Variants in PRPF18 observed in about 807,000 individuals in gnomAD.
The protein encoded by PRPF18 is pre-mRNA-splicing factor 18.
Under a neutral mutation model 46.5 loss-of-function variants are expected in PRPF18, and 38 were observed. The observed-to-expected ratio is 0.82, with a 90% CI of 0.63 to 1.07. The LOEUF (loss-of-function observed/expected upper bound fraction) is 1.07, where lower values mean the gene tolerates loss of function less well. Ranked by LOEUF, PRPF18 falls within the 50% of genes least tolerant of loss-of-function variation. The pLI is 0.00. For missense variants in PRPF18, 263 were observed against 410.0 expected, an observed-to-expected ratio of 0.64 and a Z score of 3.10; for synonymous variants, 152 against 146.7, an observed-to-expected ratio of 1.04 and a Z score of -0.26.
At chr10:13,625,303 C>A (rs545222408) in intron 9 of PRPF18, among the ~76,000 whole-genome samples, 8 of 151,990 alleles carry the variant, frequency 5.3e-5, no homozygotes, top group African/African-American at 1.7e-4. Flanking sequence ...GGGTGACAGA[C>A]GGGTCTGAAA....
the PRPF18 span, chr10:13,651,903 CTCTAT>C: frequency 4.6e-6 from 7 of 1,514,356 alleles, no homozygotes; most frequent in South Asian, 6.7e-5. Flanking sequence ...CTTACGGTAC[CTCTAT>C]TCATCAGTAC....
chr10:13,597,602 A>G, intron 2 of PRPF18, 67 bp downstream of exon 2: 1 of 1,601,180 alleles, frequency 6.2e-7, no homozygotes, highest in Non-Finnish European at 8.5e-7. Flanking sequence ...CTGTTGTTAA[A>G]TGACAATCAT....
chr10:13,625,551 A>G (rs2080490478), intron 9 of PRPF18, among the ~76,000 whole-genome samples: 1 of 152,224 alleles, frequency 6.6e-6, no homozygotes. Flanking sequence ...AAAAGGGAAG[A>G]TAGGAAATAA....
the PRPF18 span, among the ~76,000 whole-genome samples, chr10:13,649,945 A>C: frequency 6.6e-6 from 1 of 152,206 alleles, no homozygotes; most frequent in Non-Finnish European, 1.5e-5. Flanking sequence ...TGCTCTCTCA[A>C]CTGTGACCCA....
At chr10:13,609,800 G>T (rs1214040938) in intron 4 of PRPF18, among the ~76,000 whole-genome samples, 1 of 152,172 alleles carries the variant, frequency 6.6e-6, no homozygotes, top group African/African-American at 2.4e-5. Context: ...TTATTTTTCT[G>T]ACCAGCAGAC....
At chr10:13,605,822 G>A (rs2080175856) in intron 4 of PRPF18, 78 bp downstream of exon 4, 4 of 1,452,092 alleles carry the variant, frequency 2.8e-6, no homozygotes, top group African/African-American at 1.4e-5. Flanking sequence ...TTGCATTATT[G>A]TAGGCAACAA....
intron 9 of PRPF18, among the ~76,000 whole-genome samples, chr10:13,618,615 C>CAAAAA (rs68069523): frequency 2.3e-4 from 9 of 39,982 alleles, no homozygotes; most frequent in Non-Finnish European, 3.9e-4. Flanking sequence ...AAGACCCTGT[C>CAAAAA]AAAAAAAAAA....
the PRPF18 span, chr10:13,646,965 G>T: frequency 3.0e-6 from 3 of 983,792 alleles, no homozygotes; most frequent in African/African-American, 1.7e-5. Flanking sequence ...GCTTTTTCCT[G>T]CCCGTACCAC....
At chr10:13,638,357 C>CT in the PRPF18 span, among the ~76,000 whole-genome samples, 1 of 133,984 alleles carries the variant, frequency 7.5e-6, no homozygotes, top group Non-Finnish European at 1.6e-5. Context: ...ACATGAACTG[C>CT]TTTTTTAAGG....
the PRPF18 span, among the ~76,000 whole-genome samples, chr10:13,650,333 C>A: frequency 6.6e-6 from 1 of 152,132 alleles, no homozygotes; most frequent in Non-Finnish European, 1.5e-5. Context: ...CTAGAGGCAT[C>A]CTGTCTTACC....
rs1225631814 is a variant in PRPF18, at chr10:13,611,645, G to A, written c.541G>A (p.Asp181Asn). 1 of 1,613,932 alleles carries A rather than the reference G, an allele frequency of 6.2e-7. No homozygotes were observed. Among genetic ancestry groups the A allele is most frequent in the South Asian group, 1.1e-5 (1 of 91,070 alleles). The change falls in exon 6 of 10, where the codon GAT becomes AAT. Residue 181 changes from aspartate (D) to asparagine (N), a missense_variant. Around this residue, in one of 4 missense-constraint regions of PRPF18, gnomAD observed 155 missense variants for 245.1 expected, o/e 0.63. Coordinates refer to ENST00000378572, the MANE Select transcript of PRPF18 (RefSeq NM_003675.4). ...TGGAGAGTCCTTAGGGAAAGGCGAT[G>A]ATCATAAAGACATGGACATCATCAC... ...ALGESLGKGDDHKDMDIITKF... is the reference protein window; with the variant it reads ...ALGESLGKGDNHKDMDIITKF...
At chr10:13,595,110 T>G (rs1473171783) in intron 1 of PRPF18, among the ~76,000 whole-genome samples, 1 of 152,248 alleles carries the variant, frequency 6.6e-6, no homozygotes, top group Non-Finnish European at 1.5e-5. Context: ...CCTTTATTTT[T>G]GCTGATGCCA....
chr10:13,630,923 G>T (rs2080584074), downstream of PRPF18: 1 of 152,172 alleles, frequency 6.6e-6, no homozygotes, highest in East Asian at 1.9e-4. Flanking sequence ...CTTCCAAGAA[G>T]TGTAAATTTT....
chr10:13,624,800 C>A (rs1367852918), intron 9 of PRPF18, among the ~76,000 whole-genome samples: 1 of 152,298 alleles, frequency 6.6e-6, no homozygotes, highest in East Asian at 1.9e-4. Flanking sequence ...AGTGAAAAAA[C>A]CAGCTTGCTG....
the PRPF18 span, among the ~76,000 whole-genome samples, chr10:13,650,776 C>G: frequency 1.3e-5 from 2 of 152,200 alleles, no homozygotes; most frequent in Admixed American, 1.3e-4. Context: ...TTAACCACCC[C>G]TCACCCTTAT....
rs1554806371 is a variant in PRPF18, at chr10:13,590,452, A to AT, written c.66+3300_66+3301insT. On this transcript the variant is annotated intron_variant, in intron 1 of 9. Transcript: ENST00000378572. The stretch of plus-strand genomic sequence containing the variant: ...CTCTACTGAAAATACAAAAAAAAAA[A>AT]ATATATATATATATATATATTAGCT... Among the ~76,000 whole-genome samples the AT allele has an allele frequency of 3.4e-3, 474 of 140,500 alleles. 5 individuals are homozygous for AT. The highest frequency in any genetic ancestry group is 8.6e-3 in the South Asian group (39 of 4,510). The allele number at this position is 140,500 out of a possible 152,430, so 92.2% of individuals were successfully genotyped here. A position where few individuals can be genotyped will look rare whatever the true frequency, so the allele number is the denominator to read the frequency against.
chr10:13,610,901 T>C (rs978116555), intron 5 of PRPF18, among the ~76,000 whole-genome samples: 2 of 152,254 alleles, frequency 1.3e-5, no homozygotes, highest in Non-Finnish European at 1.5e-5. Context: ...GTCTGATTTT[T>C]GCTATAGTGC....
the PRPF18 span, chr10:13,639,950 T>A: frequency 6.6e-6 from 1 of 152,240 alleles, no homozygotes; most frequent in African/African-American, 2.4e-5. Flanking sequence ...GAGCAGTGGC[T>A]GTTCACTCCT....
rs146525312 is a variant in PRPF18, at chr10:13,608,003, T to A, written c.364-2036T>A. ...TTGCTAACTTTTTATCTACTTGCTT[T>A]CTCAATTATTGAGAGACAGGTGTGG... On this transcript the variant is annotated intron_variant, in intron 4 of 9. Coordinates refer to ENST00000378572, the MANE Select transcript of PRPF18 (RefSeq NM_003675.4). Among the ~76,000 whole-genome samples, 1,073 of 152,334 alleles carry A rather than the reference T, an allele frequency of 7.0e-3. 9 individuals carry two copies. The highest frequency in any genetic ancestry group is 0.011 in the Non-Finnish European group (779 of 68,028).
Sources: allele counts gnomAD v4.1 joint callset (sites outside exome capture counted in the v4.1 genomes callset), GRCh38; gene constraint gnomAD v4.1.1; regional missense constraint gnomAD v4.1.1; transcripts MANE v1.5; gene names NCBI Gene and HGNC (gene_info 2026-07-23, HGNC 2026-07-21).